GALNT13: variants seen among roughly 807,000 people sequenced by gnomAD.
GALNT13 encodes the protein polypeptide N-acetylgalactosaminyltransferase 13.
GALNT13 carries 28 observed loss-of-function variants against 64.2 expected under a neutral mutation model. The ratio of observed to expected loss-of-function variants is 0.44; its 90% CI spans 0.32 to 0.60. The LOEUF is 0.60. GALNT13 is among the 20% of genes least tolerant of loss of function. GALNT13 has a pLI of 0.05. For synonymous variants in GALNT13, 214 were observed against 224.6 expected (o/e 0.95, Z 0.42); for missense variants, 577 against 669.8 (o/e 0.86, Z 1.53).
chr2:153,770,688 A>G, the GALNT13 span, among the ~76,000 whole-genome samples: 2 of 152,234 alleles, frequency 1.3e-5, no homozygotes, highest in East Asian at 1.9e-4. Flanking sequence ...ATAGGTATGT[A>G]TACTTATTCC....
the GALNT13 span, among the ~76,000 whole-genome samples, chr2:153,563,149 A>G: frequency 6.6e-6 from 1 of 151,540 alleles, no homozygotes. Context: ...TTCTTACCTT[A>G]CCTTCCATAA....
the GALNT13 span, among the ~76,000 whole-genome samples, chr2:153,622,839 T>A: frequency 1.3e-5 from 2 of 152,104 alleles, no homozygotes; most frequent in African/African-American, 2.4e-5. Context: ...ATGATTACAT[T>A]AAATGGTAGA....
the GALNT13 span, among the ~76,000 whole-genome samples, chr2:153,832,899 C>A: frequency 1.3e-5 from 2 of 152,168 alleles, no homozygotes; most frequent in Admixed American, 1.3e-4. Context: ...ATGGATATGT[C>A]CCAACAAGGC....
At chr2:153,561,699 A>G in the GALNT13 span, among the ~76,000 whole-genome samples, 1 of 148,640 alleles carries the variant, frequency 6.7e-6, no homozygotes, top group African/African-American at 2.5e-5. Context: ...TAGGTTAGGT[A>G]AGACCTCCAA....
the GALNT13 span, among the ~76,000 whole-genome samples, chr2:153,248,533 G>A: frequency 1.3e-5 from 2 of 150,960 alleles, no homozygotes; most frequent in African/African-American, 2.4e-5. Context: ...AAAAACCCTC[G>A]GCCGGGCGTG....
the GALNT13 span, among the ~76,000 whole-genome samples, chr2:153,325,253 C>A: frequency 6.7e-6 from 1 of 150,032 alleles, no homozygotes; most frequent in African/African-American, 2.5e-5. Context: ...GGAATTTATC[C>A]ATTTCTTCTA....
chr2:154,122,132 G>A (rs1468019186), intron 3 of GALNT13, among the ~76,000 whole-genome samples: 4 of 152,020 alleles, frequency 2.6e-5, no homozygotes, highest in Admixed American at 6.5e-5. Flanking sequence ...GCCTGCTTAT[G>A]TGGTGGATTT....
At chr2:153,608,977 C>T in the GALNT13 span, among the ~76,000 whole-genome samples, 32 of 143,568 alleles carry the variant, frequency 2.2e-4, no homozygotes, top group Admixed American at 1.0e-3. Context: ...AGTGCAGTGG[C>T]GAAATCTTGT....
chr2:154,359,449 T>C (rs1296219387), intron 9 of GALNT13, among the ~76,000 whole-genome samples: 1 of 152,138 alleles, frequency 6.6e-6, no homozygotes, highest in East Asian at 1.9e-4. Flanking sequence ...CCTGTAGCGA[T>C]GGTTCCTGGA....
chr2:153,429,844 A>G, the GALNT13 span, among the ~76,000 whole-genome samples: 2 of 152,106 alleles, frequency 1.3e-5, no homozygotes, highest in Non-Finnish European at 2.9e-5. Flanking sequence ...TATTTTTGAC[A>G]AACTATTTGA....
At chr2:153,694,009 G>C in the GALNT13 span, among the ~76,000 whole-genome samples, 2 of 152,138 alleles carry the variant, frequency 1.3e-5, no homozygotes, top group Non-Finnish European at 2.9e-5. Context: ...TTGGGAGGCT[G>C]AAGCAGGAGA....
In GALNT13 at chr2:153,954,920, C is replaced by T. The variant is rs1038242594; in HGVS notation, c.142+10281C>T. ...CCAAAGTAATCATAACATTTATATACTATGTATGAACTATTTATACAAACA... is the reference window on the plus strand; with the variant it reads ...CCAAAGTAATCATAACATTTATATATTATGTATGAACTATTTATACAAACA... On this transcript the variant is annotated intron_variant, in intron 3 of 12. Coordinates refer to ENST00000392825, the MANE Select transcript of GALNT13 (RefSeq NM_052917.4). Among the ~76,000 whole-genome samples, 6 of 151,608 alleles carry T rather than the reference C, an allele frequency of 4.0e-5. No homozygotes were observed. The East Asian group carries it at 1.2e-3, about 30-fold the overall frequency.
chr2:153,170,654 G>T, the GALNT13 span, among the ~76,000 whole-genome samples: 5 of 152,156 alleles, frequency 3.3e-5, no homozygotes, highest in East Asian at 9.6e-4. Flanking sequence ...CTAAACACAG[G>T]CTTTCTGACT....
chr2:153,292,983 T>C, the GALNT13 span, among the ~76,000 whole-genome samples: 57 of 152,280 alleles, frequency 3.7e-4, no homozygotes, highest in African/African-American at 1.3e-3. Context: ...TTCATCACTG[T>C]ATATCTTTTT....
chr2:153,310,786 C>T, the GALNT13 span, among the ~76,000 whole-genome samples: 5 of 152,066 alleles, frequency 3.3e-5, no homozygotes, highest in Admixed American at 3.3e-4. Context: ...GGGTACAGTT[C>T]CCCTAACCCC....
chr2:154,159,398 G>A (rs1684606278), intron 4 of GALNT13, among the ~76,000 whole-genome samples: 1 of 152,120 alleles, frequency 6.6e-6, no homozygotes, highest in African/African-American at 2.4e-5. Flanking sequence ...GCCTCCTAAA[G>A]TGCTGGGATT....
chr2:154,364,748 C>T (rs551334122), intron 9 of GALNT13, among the ~76,000 whole-genome samples: 5 of 152,186 alleles, frequency 3.3e-5, no homozygotes, highest in African/African-American at 7.2e-5. Flanking sequence ...CTTGGCTCAC[C>T]GCAACTCCAC....
chr2:154,364,725 G>A (rs1289686009), intron 9 of GALNT13, among the ~76,000 whole-genome samples: 1 of 152,112 alleles, frequency 6.6e-6, no homozygotes, highest in Non-Finnish European at 1.5e-5. Flanking sequence ...GGGCTGGAAT[G>A]CGATGGCGCG....
the GALNT13 span, among the ~76,000 whole-genome samples, chr2:153,530,167 C>CTATTAGAATA: frequency 6.6e-6 from 1 of 151,852 alleles, no homozygotes; most frequent in Non-Finnish European, 1.5e-5. Context: ...CCACCAAAAA[C>CTATTAGAATA]TATTAGAATT....
Sources: allele counts gnomAD v4.1 joint callset (sites outside exome capture counted in the v4.1 genomes callset), GRCh38; gene constraint gnomAD v4.1.1; transcripts MANE v1.5; gene names NCBI Gene and HGNC (gene_info 2026-07-23, HGNC 2026-07-21).